NRXN1: variants seen among roughly 807,000 people sequenced by gnomAD.
NRXN1 encodes neurexin 1.
NRXN1 carries 39 observed loss-of-function variants against 150.9 expected under a neutral mutation model. The observed-to-expected ratio is 0.26, with a 90% CI of 0.20 to 0.34. The LOEUF (loss-of-function observed/expected upper bound fraction) is 0.34. NRXN1 is among the 10% of genes least tolerant of loss of function. NRXN1 has a pLI of 1.00. For missense variants in NRXN1, 1,815 were observed against 1,949.9 expected (o/e 0.93, Z 1.30); for synonymous variants, 924 against 757.0 (o/e 1.22, Z -3.62).
At chr2:50,976,791 C>A (rs1428791600) in intron 2 of NRXN1, among the ~76,000 whole-genome samples, 1 of 151,774 alleles carries the variant, frequency 6.6e-6, no homozygotes. Flanking sequence ...ATTGAGCATA[C>A]CAAAAAAATC....
At chr2:50,411,302 GCAGA>G (rs1315296395) in intron 17 of NRXN1, among the ~76,000 whole-genome samples, 4 of 152,200 alleles carry the variant, frequency 2.6e-5, no homozygotes, top group African/African-American at 9.6e-5. Flanking sequence ...TGCCGGGATT[GCAGA>G]CAGAGTCTCG....
chr2:50,649,265 C>CACACACACAA (rs1685255530), intron 5 of NRXN1, among the ~76,000 whole-genome samples: 1 of 132,964 alleles, frequency 7.5e-6, no homozygotes, highest in African/African-American at 2.6e-5. Flanking sequence ...CACATACACA[C>CACACACACAA]ACACACACAC....
intron 18 of NRXN1, among the ~76,000 whole-genome samples, chr2:50,233,339 T>G (rs139721467): frequency 6.6e-6 from 1 of 152,158 alleles, no homozygotes; most frequent in East Asian, 1.9e-4. Flanking sequence ...CTGGGCCACC[T>G]GACTCAAAAA....
chr2:50,343,182 T>C (rs771702402), intron 17 of NRXN1, among the ~76,000 whole-genome samples: 7 of 152,212 alleles, frequency 4.6e-5, no homozygotes, highest in Non-Finnish European at 7.3e-5. Context: ...AGGATGGCAC[T>C]GGTGGCTTTC....
At chr2:50,776,119 A>C (rs1408370158) in intron 5 of NRXN1, among the ~76,000 whole-genome samples, 1 of 152,110 alleles carries the variant, frequency 6.6e-6, no homozygotes, top group East Asian at 1.9e-4. Flanking sequence ...ATCCCTTCAC[A>C]TTTCAGCTTG....
intron 12 of NRXN1, among the ~76,000 whole-genome samples, chr2:50,525,957 G>A (rs2092939889): frequency 6.6e-6 from 1 of 152,176 alleles, no homozygotes; most frequent in African/African-American, 2.4e-5. Flanking sequence ...ACTGACACAA[G>A]AGTGGCTGAA....
chr2:50,565,287 GA>G (rs901193902), intron 8 of NRXN1, among the ~76,000 whole-genome samples: 18 of 151,202 alleles, frequency 1.2e-4, no homozygotes, highest in Non-Finnish European at 2.2e-4. Flanking sequence ...AAAAAAAAAA[GA>G]AAAGAAAGAA....
chr2:50,765,301 C>G (rs532714957), intron 5 of NRXN1, among the ~76,000 whole-genome samples: 1 of 152,170 alleles, frequency 6.6e-6, no homozygotes, highest in African/African-American at 2.4e-5. Context: ...TAACACATCT[C>G]TACCAGGTTA....
At chr2:50,915,606 C>T (rs1685112150) in intron 5 of NRXN1, among the ~76,000 whole-genome samples, 1 of 151,390 alleles carries the variant, frequency 6.6e-6, no homozygotes, top group Non-Finnish European at 1.5e-5. Context: ...ATCATCAGGA[C>T]ATGGGTGTCT....
At chr2:50,783,632 A>G (rs904231514) in intron 5 of NRXN1, among the ~76,000 whole-genome samples, 6 of 152,136 alleles carry the variant, frequency 3.9e-5, no homozygotes, top group Admixed American at 1.3e-4. Flanking sequence ...CATTGTATCC[A>G]CTATTCACAG....
chr2:50,534,916 GA>G (rs1227361243), intron 10 of NRXN1, among the ~76,000 whole-genome samples: 1 of 151,952 alleles, frequency 6.6e-6, no homozygotes, highest in African/African-American at 2.4e-5. Context: ...ACAACCCAGA[GA>G]AAAAAATAAT....
chr2:50,823,893 T>A (rs1022838130), intron 5 of NRXN1, among the ~76,000 whole-genome samples: 1 of 152,186 alleles, frequency 6.6e-6, no homozygotes, highest in African/African-American at 2.4e-5. Context: ...ATATGTCAAA[T>A]ATTTCTGGGA....
At chr2:50,463,050 A>G (rs1465143047) in intron 17 of NRXN1, among the ~76,000 whole-genome samples, 2 of 151,794 alleles carry the variant, frequency 1.3e-5, no homozygotes, top group Non-Finnish European at 2.9e-5. Flanking sequence ...ACTAGAGATG[A>G]AAATTTCATT....
At chr2:50,573,694 A>G (rs1573603956) in intron 8 of NRXN1, among the ~76,000 whole-genome samples, 1 of 151,814 alleles carries the variant, frequency 6.6e-6, no homozygotes, top group Non-Finnish European at 1.5e-5. Context: ...GGAGAATTTG[A>G]AAATCTGCGC....
chr2:50,995,586 C>A (rs988325731), intron 2 of NRXN1, among the ~76,000 whole-genome samples: 17 of 128,036 alleles, frequency 1.3e-4, no homozygotes, highest in African/African-American at 4.5e-4. Context: ...GCCTGGGTGA[C>A]AGAGCTAGAC....
rs1329748281 is a variant in NRXN1, at chr2:51,027,456, GC to G, written c.772+45del. Reference sequence around the variant, plus strand: ...ACCAGCCCGGTCCCCTCCTCCCCGAGCCCCGCCCAGGCCCCGGCCCCCGTGG... The same window carrying G: ...ACCAGCCCGGTCCCCTCCTCCCCGAGCCCGCCCAGGCCCCGGCCCCCGTGG... On this transcript the variant is annotated intron_variant, in intron 2 of 22. Transcript: ENST00000401669. 6.1e-6 allele frequency: 9 copies of G among 1,476,740 alleles called. No homozygotes were observed. The South Asian group carries it at 8.5e-5, about 14-fold the overall frequency. The allele number at this position is 1,476,740 out of a possible 1,614,324, so 91.5% of individuals were successfully genotyped here. A position where few individuals can be genotyped will look rare whatever the true frequency, so the allele number is the denominator to read the frequency against.
chr2:49,976,728 T>C (rs1215855535), intron 21 of NRXN1, among the ~76,000 whole-genome samples: 1 of 152,206 alleles, frequency 6.6e-6, no homozygotes, highest in Non-Finnish European at 1.5e-5. Context: ...AGTTCTTTTA[T>C]CTATGAATGC....
At chr2:50,336,562 A>G (rs78553711) in intron 17 of NRXN1, among the ~76,000 whole-genome samples, 2,235 of 152,324 alleles carry the variant, frequency 0.015, 56 homozygotes, top group African/African-American at 0.049. Context: ...TCATCTCAGG[A>G]GAGTATAATC....
intron 5 of NRXN1, among the ~76,000 whole-genome samples, chr2:50,881,173 C>T (rs1277050258): frequency 3.3e-5 from 5 of 151,948 alleles, no homozygotes; most frequent in Admixed American, 6.6e-5. Context: ...CTCCTCTCTG[C>T]TTAAAAGCAT....
Sources: allele counts gnomAD v4.1 joint callset (sites outside exome capture counted in the v4.1 genomes callset), GRCh38; gene constraint gnomAD v4.1.1; transcripts MANE v1.5; gene names NCBI Gene and HGNC (gene_info 2026-07-23, HGNC 2026-07-21).